SERPINA5: variants seen among roughly 807,000 people sequenced by gnomAD.
The protein encoded by SERPINA5 is serpin family A member 5, also known as plasma serine protease inhibitor.
In SERPINA5, 25 loss-of-function variants were observed where a neutral mutation model predicts 25.3. The ratio of observed to expected loss-of-function variants is 0.99; its 90% confidence interval spans 0.72 to 1.38. The LOEUF is 1.38. Among genes scored for constraint, SERPINA5 ranks in the 40% most tolerant of loss-of-function variants. The pLI, the probability that SERPINA5 is intolerant of heterozygous loss-of-function variation, is 0.00. For synonymous variants in SERPINA5, 234 were observed against 206.2 expected (o/e 1.14, Z -1.16); for missense variants, 599 against 509.5 (o/e 1.18, Z -1.69).
rs199628386 is a variant in SERPINA5 at position 94,590,116 on chromosome 14, G to A, written c.695G>A (p.Arg232Gln). ...DFYVTSETVV[R>Q]VPMMSREDQY... ...TACGTGACCTCGGAGACTGTGGTGC[G>A]GGTACCCATGATGAGCCGCGAGGAT... Residue 232 changes from arginine (R) to glutamine (Q), a missense_variant, in exon 4 of 6, where the codon CGG (arginine) becomes CAG (glutamine). Arg to Gln is a conservative substitution (Grantham distance 43). Coordinates refer to ENST00000329597, the MANE Select transcript of SERPINA5 (RefSeq NM_000624.6). 4.8e-5 allele frequency: 78 copies of A among 1,613,974 alleles called. No homozygotes were observed. In the Admixed American group the frequency reaches 8.3e-4, roughly 17 times the overall value.
At position 94,590,277 on chromosome 14, in the gene SERPINA5, A is replaced by T; in HGVS notation, c.856A>T (p.Thr286Ser). The T allele has an allele frequency of 6.2e-7, 1 of 1,609,730 alleles. No individual in the cohort carries two copies. The highest frequency in any genetic ancestry group is 8.5e-7 in the Non-Finnish European group (1 of 1,176,668). ...QQVENGLSEK[T>S]LRKWLKMFKK... Reference sequence around the variant, plus strand: ...GGTGGAGAATGGACTGAGTGAGAAAACGCTGAGGAAGTGGCTTAAGATGTT... The same window carrying T: ...GGTGGAGAATGGACTGAGTGAGAAATCGCTGAGGAAGTGGCTTAAGATGTT... Residue 286 changes from threonine (T) to serine (S), a missense_variant, in exon 4 of 6, where the codon ACG (threonine) becomes TCG (serine). Transcript: ENST00000329597.
chr14:94,587,127 C>A, intron 2 of SERPINA5: 1 of 506,152 alleles, frequency 2.0e-6, no homozygotes, highest in African/African-American at 2.0e-5. Context: ...GGGTCTGCAC[C>A]TCCTCTCCCT....
intron 4 of SERPINA5, chr14:94,590,529 G>A (rs1452852945): frequency 2.1e-5 from 17 of 792,386 alleles, no homozygotes; most frequent in African/African-American, 3.5e-5. Flanking sequence ...TGCCAGAGTG[G>A]GCAGAGACCT....
chr14:94,590,352 G>A, intron 4 of SERPINA5, 41 bp downstream of exon 4: 1 of 1,540,484 alleles, frequency 6.5e-7, no homozygotes, highest in South Asian at 1.3e-5. Flanking sequence ...AACCCACACA[G>A]CCCCAGGGAG....
In SERPINA5 at chr14:94,587,911, G is replaced by T; in HGVS notation, c.549G>T (p.Lys183Asn). 1 of 1,614,266 alleles carries T rather than the reference G, an allele frequency of 6.2e-7. No homozygotes were observed. The highest frequency in any genetic ancestry group is 8.5e-7 in the Non-Finnish European group (1 of 1,180,056). ...ATGTGGCAAAGCAAACGAAGGGCAA[G>T]ATTGTGGACTTGCTTAAGAACCTCG... ...NDYVAKQTKGKIVDLLKNLDS... is the reference protein window; with the variant it reads ...NDYVAKQTKGNIVDLLKNLDS... Residue 183 changes from lysine (K) to asparagine (N), a missense_variant, in exon 3 of 6, where the codon AAG (lysine) becomes AAT (asparagine). Transcript: ENST00000329597.
At chr14:94,588,210 G>A (rs1416453129) in intron 3 of SERPINA5, among the ~76,000 whole-genome samples, 2 of 152,174 alleles carry the variant, frequency 1.3e-5, no homozygotes, top group Admixed American at 6.5e-5. Context: ...CGGAGGAAGA[G>A]CTGGTTGCTG....
chr14:94,589,923 T>A, intron 3 of SERPINA5, 118 bp from the exon 4 acceptor site: 1 of 938,270 alleles, frequency 1.1e-6, no homozygotes, highest in Non-Finnish European at 1.6e-6. Context: ...GCTCTGGGGC[T>A]GCCATAAAGA....
In SERPINA5 at chr14:94,583,322, G is replaced by A. The variant is rs1263975682; in HGVS notation, c.-18+1612G>A. ...GGGGAGATGAAGGGAGCTTCCACTG[G>A]GGGCAGTAAGAAAGCCAGGGAAAGG... is the stretch of plus-strand genomic sequence containing the variant. On this transcript the variant is annotated intron_variant, in intron 2 of 5. Transcript: ENST00000329597. Among the ~76,000 whole-genome samples the A allele has an allele frequency of 5.9e-5, 9 of 152,298 alleles. No homozygotes were observed. In the South Asian group the frequency reaches 1.9e-3, roughly 32 times the overall value.
At chr14:94,586,739 A>G (rs543730805) in intron 2 of SERPINA5, 1 of 152,350 alleles carries the variant, frequency 6.6e-6, no homozygotes, top group African/African-American at 2.4e-5. Flanking sequence ...CTGTGGGACA[A>G]GGGTGGCATG....
At chr14:94,587,227 T>C (rs1885119827) in intron 2 of SERPINA5, 119 bp from the exon 3 acceptor site, 2 of 955,644 alleles carry the variant, frequency 2.1e-6, no homozygotes, top group Admixed American at 2.4e-5. Context: ...GTGCCATCCC[T>C]TCTCTTTGAA....
At chr14:94,582,532 C>T (rs1001072859) in intron 2 of SERPINA5, among the ~76,000 whole-genome samples, 3 of 152,234 alleles carry the variant, frequency 2.0e-5, no homozygotes, top group African/African-American at 4.8e-5. Context: ...TGTTCAAGGT[C>T]ACCTGGCAAG....
At chr14:94,591,501 A>G (rs1458109845) in intron 5 of SERPINA5, among the ~76,000 whole-genome samples, 2 of 147,366 alleles carry the variant, frequency 1.4e-5, no homozygotes, top group East Asian at 2.0e-4. Context: ...CCTCCACTCC[A>G]TTCCATTGCA....
chr14:94,590,993 T>TC, intron 5 of SERPINA5, 97 bp downstream of exon 5: 3 of 1,223,040 alleles, frequency 2.5e-6, no homozygotes, highest in East Asian at 4.9e-5. Flanking sequence ...TCCATTCCAC[T>TC]CAACTCCACT....
chr14:94,588,611 T>A (rs1005253016), intron 3 of SERPINA5, among the ~76,000 whole-genome samples: 2 of 151,422 alleles, frequency 1.3e-5, no homozygotes, highest in African/African-American at 4.9e-5. Context: ...GTGGGAAGGG[T>A]TGCGAAGGAA....
At chr14:94,590,989 C>T (rs1885259214) in intron 5 of SERPINA5, 93 bp downstream of exon 5, 3 of 1,211,566 alleles carry the variant, frequency 2.5e-6, no homozygotes, top group Non-Finnish European at 3.4e-6. Context: ...CCATTCCATT[C>T]CACTCAACTC....
At chr14:94,581,929 C>G (rs1385129668) in intron 2 of SERPINA5, 1 of 152,200 alleles carries the variant, frequency 6.6e-6, no homozygotes, top group African/African-American at 2.4e-5. Flanking sequence ...AAAAGGTCAA[C>G]AGGATCAAGG....
chr14:94,592,063 C>A lies in SERPINA5; in HGVS notation c.1045C>A (p.His349Asn). The part of the protein sequence containing the change: ...HSNIQVSEMV[H>N]KAVVEVDESG... The stretch of plus-strand genomic sequence containing the variant: ...CCTGGTGTCTCCCCTGCAGATGGTG[C>A]ACAAAGCTGTGGTGGAGGTGGACGA... Residue 349 changes from histidine to asparagine, a missense_variant, in exon 6 of 6, where the codon CAC (histidine) becomes AAC (asparagine). Physicochemically the swap from His to Asn is moderately conservative, Grantham distance 68. Coordinates refer to ENST00000329597, the MANE Select transcript of SERPINA5 (RefSeq NM_000624.6). The A allele has an allele frequency of 4.3e-6, 7 of 1,612,198 alleles. No homozygotes were observed. Among genetic ancestry groups the A allele is most frequent in the Non-Finnish European group, 5.9e-6 (7 of 1,179,070 alleles).
chr14:94,592,349 A>G lies in SERPINA5; in HGVS notation c.*110A>G, dbSNP rs1450568303. On this transcript the variant is annotated 3_prime_UTR_variant, in exon 6 of 6. Transcript: ENST00000329597. ...GTGATTTACACAGGTTTAGTTGACT[A>G]ATGAGGCATTACAAATAATATTACT... 1 of 1,043,956 alleles carries G rather than the reference A, an allele frequency of 9.6e-7. No homozygotes were observed. Among genetic ancestry groups the G allele is most frequent in the African/African-American group, 1.6e-5 (1 of 62,530 alleles). 64.7% of individuals were successfully genotyped at this position (1,043,956 alleles called of 1,614,324 possible).
rs141039460 is a variant in SERPINA5, at chr14:94,582,551, G to A, written c.-18+841G>A. On this transcript the variant is annotated intron_variant, in intron 2 of 5. Coordinates refer to ENST00000329597, the MANE Select transcript of SERPINA5 (RefSeq NM_000624.6). ...CAAGGTCACCTGGCAAGTGAGCTCC[G>A]GGGCGGGGAGAGCTCAGCTCTGGGT... Among the ~76,000 whole-genome samples, 754 of 152,350 alleles carry A rather than the reference G, an allele frequency of 4.9e-3. 5 individuals carry two copies. Among genetic ancestry groups the A allele is most frequent in the African/African-American group, 0.017 (698 of 41,588 alleles).
Sources: gnomAD v4.1 joint callset for allele counts (sites outside exome capture counted in the v4.1 genomes callset) on GRCh38, gnomAD v4.1.1 for gene constraint, MANE v1.5 for transcripts, NCBI Gene and HGNC (gene_info 2026-07-23, HGNC 2026-07-21) for gene names.